The following RBFOX3 variants were observed in gnomAD, a reference collection of about 807,000 sequenced individuals.
RBFOX3 encodes the protein RNA binding fox-1 homolog 3, also known as RNA binding protein fox-1 homolog 3.
Under a neutral mutation model 48.7 loss-of-function variants are expected in RBFOX3, and 17 were observed. That is an observed-to-expected ratio of 0.35 (90% CI 0.24 to 0.52). RBFOX3 has a LOEUF of 0.52. RBFOX3 is among the 20% of genes least tolerant of loss of function. The pLI is 0.94. For missense variants in RBFOX3, 382 were observed against 497.5 expected (o/e 0.77, Z 2.21); for synonymous variants, 212 against 209.5 (o/e 1.01, Z -0.10).
At chr17:79,456,926 C>T (rs782024288) in intron 2 of RBFOX3, among the ~76,000 whole-genome samples, 6 of 152,258 alleles carry the variant, frequency 3.9e-5, no homozygotes, top group East Asian at 1.9e-4. Context: ...TTCTGTATCA[C>T]AGCACCTGCC....
At chr17:79,432,948 G>A (rs782261201) in intron 2 of RBFOX3, among the ~76,000 whole-genome samples, 25 of 152,244 alleles carry the variant, frequency 1.6e-4, no homozygotes, top group Non-Finnish European at 2.2e-4. Context: ...TTTAGAATCC[G>A]GTCGCTCTCC....
chr17:79,149,026 G>A (rs1361221311), intron 4 of RBFOX3, among the ~76,000 whole-genome samples: 1 of 152,170 alleles, frequency 6.6e-6, no homozygotes, highest in African/African-American at 2.4e-5. Flanking sequence ...TGGACTGGGT[G>A]GGATTCAAAC....
At chr17:79,327,388 G>C (rs184209777) in intron 2 of RBFOX3, among the ~76,000 whole-genome samples, 2 of 152,150 alleles carry the variant, frequency 1.3e-5, no homozygotes, top group African/African-American at 4.8e-5. Flanking sequence ...TGGACATCAG[G>C]AAATTCACCC....
chr17:79,461,636 C>T (rs2075382024), intron 2 of RBFOX3, among the ~76,000 whole-genome samples: 1 of 152,184 alleles, frequency 6.6e-6, no homozygotes, highest in African/African-American at 2.4e-5. Context: ...CAGTGGACGC[C>T]CAGAACTCAG....
At chr17:79,185,530 C>T (rs2053224511) in intron 4 of RBFOX3, among the ~76,000 whole-genome samples, 1 of 152,088 alleles carries the variant, frequency 6.6e-6, no homozygotes. Flanking sequence ...TTCCAGAAGC[C>T]ATCCCTCTTT....
chr17:79,192,592 G>A (rs560234026), intron 4 of RBFOX3, among the ~76,000 whole-genome samples: 1 of 152,272 alleles, frequency 6.6e-6, no homozygotes, highest in African/African-American at 2.4e-5. Context: ...GGTGGACACG[G>A]GGGCTGGATG....
At chr17:79,101,793 C>T (rs2076491093) in intron 8 of RBFOX3, 149 bp from the exon 9 acceptor site, 1 of 765,662 alleles carries the variant, frequency 1.3e-6, no homozygotes. Flanking sequence ...CTCCGGGAGC[C>T]TTGGCCCCCA....
chr17:79,213,359 A>G (rs898048619), intron 4 of RBFOX3, among the ~76,000 whole-genome samples: 1 of 152,180 alleles, frequency 6.6e-6, no homozygotes, highest in Non-Finnish European at 1.5e-5. Context: ...AGATTCCACA[A>G]GGGAAGCTGT....
At chr17:79,569,284 CTGTA>C (rs2092581246) in intron 1 of RBFOX3, among the ~76,000 whole-genome samples, 2 of 152,176 alleles carry the variant, frequency 1.3e-5, no homozygotes, top group Admixed American at 6.5e-5. Context: ...TACCCTCTGT[CTGTA>C]TGGATTTGTA....
intron 1 of RBFOX3, among the ~76,000 whole-genome samples, chr17:79,597,802 C>T (rs2093605444): frequency 6.6e-6 from 1 of 152,210 alleles, no homozygotes; most frequent in Non-Finnish European, 1.5e-5. Context: ...CTGCAGGGCC[C>T]CCAAAGTGGA....
At chr17:79,191,435 A>T (rs1374192189) in intron 4 of RBFOX3, among the ~76,000 whole-genome samples, 1 of 152,168 alleles carries the variant, frequency 6.6e-6, no homozygotes, top group African/African-American at 2.4e-5. Flanking sequence ...AGGGGCGGGC[A>T]CTCTGTTCGT....
chr17:79,228,980 C>A (rs1415941512), intron 4 of RBFOX3, among the ~76,000 whole-genome samples: 1 of 152,004 alleles, frequency 6.6e-6, no homozygotes, highest in African/African-American at 2.4e-5. Context: ...GTAATCCCAG[C>A]ACTTTGGGAG....
chr17:79,551,781 C>T (rs1282194422), intron 1 of RBFOX3, among the ~76,000 whole-genome samples: 1 of 152,170 alleles, frequency 6.6e-6, no homozygotes, highest in East Asian at 1.9e-4. Flanking sequence ...CACTCTGGCT[C>T]CCCTTCACCT....
chr17:79,404,991 G>C (rs971632130), intron 2 of RBFOX3, among the ~76,000 whole-genome samples: 1 of 152,180 alleles, frequency 6.6e-6, no homozygotes, highest in Non-Finnish European at 1.5e-5. Context: ...GCCTGCATCG[G>C]ATCGTCCCAC....
At chr17:79,546,546 C>T (rs370244428) in intron 1 of RBFOX3, among the ~76,000 whole-genome samples, 9 of 142,248 alleles carry the variant, frequency 6.3e-5, no homozygotes, top group African/African-American at 2.8e-4. Flanking sequence ...TCCCAATGGC[C>T]TGTCTGTAGC....
intron 4 of RBFOX3, among the ~76,000 whole-genome samples, chr17:79,158,374 T>G (rs881529): frequency 6.6e-6 from 1 of 152,064 alleles, no homozygotes; most frequent in African/African-American, 2.4e-5. Context: ...TACTGTAGAA[T>G]GGGATAGCAA....
intron 1 of RBFOX3, among the ~76,000 whole-genome samples, chr17:79,520,239 G>A (rs1041667840): frequency 7.9e-5 from 12 of 152,338 alleles, no homozygotes; most frequent in South Asian, 2.1e-4. Context: ...CGCCCCAGGC[G>A]GGCAAAGCAG....
intron 2 of RBFOX3, among the ~76,000 whole-genome samples, chr17:79,389,461 T>C (rs2061039633): frequency 6.6e-6 from 1 of 152,230 alleles, no homozygotes; most frequent in Non-Finnish European, 1.5e-5. Context: ...TGACAGCAGC[T>C]GACAGCCCTT....
In RBFOX3 at chr17:79,421,461, C is replaced by T. The variant is rs574635777; in HGVS notation, c.-175+60993G>A. Among the ~76,000 whole-genome samples the T allele has an allele frequency of 2.0e-4, 30 of 152,268 alleles. 1 individual carries two copies. The East Asian group carries it at 4.5e-3, about 23-fold the overall frequency. ...CTCCAGAGCCCACGGACCACAGCCA[C>T]TGGCAGGACAGCAGCTCTCAGCCCC... is the stretch of plus-strand genomic sequence containing the variant. On this transcript the variant is annotated intron_variant, in intron 2 of 14. Transcript: ENST00000693108. This position sits in a 1 kb window ranked among gnomAD's most constrained non-coding sequence, Gnocchi z 4.5.
Sources: allele counts gnomAD v4.1 joint callset (sites outside exome capture counted in the v4.1 genomes callset), GRCh38; gene constraint gnomAD v4.1.1; non-coding constraint Gnocchi (gnomAD v3.1); transcripts MANE v1.5; gene names NCBI Gene and HGNC (gene_info 2026-07-23, HGNC 2026-07-21).